Variants in SPAG16 observed in about 807,000 individuals in gnomAD.
The protein encoded by SPAG16 is sperm-associated antigen 16 protein.
Under a neutral mutation model 80.4 loss-of-function variants are expected in SPAG16, and 86 were observed. That is an observed-to-expected ratio of 1.07 (90% CI 0.90 to 1.28). The LOEUF is 1.28. Among genes scored for constraint, SPAG16 ranks in the 50% most tolerant of loss-of-function variants. The pLI, the probability that SPAG16 is intolerant of heterozygous loss-of-function variation, is 0.00. For missense variants in SPAG16, 870 were observed against 765.3 expected, an observed-to-expected ratio of 1.14 and a Z score of -1.61; for synonymous variants, 294 against 265.9, an observed-to-expected ratio of 1.11 and a Z score of -1.03.
chr2:214,182,560 A>G (rs1202402419), intron 15 of SPAG16, among the ~76,000 whole-genome samples: 1 of 151,966 alleles, frequency 6.6e-6, no homozygotes, highest in Non-Finnish European at 1.5e-5. Context: ...AAAGGACTGC[A>G]AATCTTTAAG....
At chr2:214,012,547 G>A (rs542234918) in intron 12 of SPAG16, among the ~76,000 whole-genome samples, 28 of 151,490 alleles carry the variant, frequency 1.8e-4, no homozygotes, top group Middle Eastern at 3.4e-3. Context: ...CTCCTGCCTC[G>A]GCCTCCCAAA....
chr2:213,757,152 T>G (rs2068386742), intron 10 of SPAG16, among the ~76,000 whole-genome samples: 2 of 152,086 alleles, frequency 1.3e-5, no homozygotes, highest in Non-Finnish European at 2.9e-5. Context: ...CATAGAAATA[T>G]AAACTTAACA....
chr2:213,994,314 G>A (rs1455117852), intron 12 of SPAG16, among the ~76,000 whole-genome samples: 1 of 151,994 alleles, frequency 6.6e-6, no homozygotes, highest in Non-Finnish European at 1.5e-5. Context: ...TTAATGAAAT[G>A]TTAAATGAAT....
chr2:214,119,915 T>G (rs901327058), intron 14 of SPAG16, among the ~76,000 whole-genome samples: 2 of 152,054 alleles, frequency 1.3e-5, no homozygotes, highest in Admixed American at 6.6e-5. Flanking sequence ...AATCTAATAG[T>G]TGATCCTTTG....
intron 10 of SPAG16, among the ~76,000 whole-genome samples, chr2:213,653,095 G>A (rs1016906277): frequency 3.9e-4 from 53 of 135,930 alleles, no homozygotes; most frequent in African/African-American, 1.4e-3. Context: ...AATGTTAGTG[G>A]CATCACTGGG....
chr2:213,656,245 C>A (rs911015884), intron 10 of SPAG16, among the ~76,000 whole-genome samples: 14 of 152,172 alleles, frequency 9.2e-5, no homozygotes, highest in Non-Finnish European at 1.5e-4. Flanking sequence ...GCCCAGGCGA[C>A]CTCGGCTCAC....
rs553271840 is a variant in SPAG16, at chr2:214,038,786, C to T, written c.1527+24709C>T. 4.1e-4 allele frequency among the ~76,000 whole-genome samples: 61 copies of T among 150,564 alleles called. No individual in the cohort carries two copies. The East Asian group carries it at 0.011, about 28-fold the overall frequency. On this transcript the variant is annotated intron_variant, in intron 13 of 15. Coordinates refer to ENST00000331683, the MANE Select transcript of SPAG16 (RefSeq NM_024532.5). ...CAATTCCCACCTATGAGTGAGAACA[C>T]GCAGTGTTTGGTTTTTTGTCCTTGT...
chr2:213,895,305 G>C (rs376587270), intron 11 of SPAG16, among the ~76,000 whole-genome samples: 1 of 152,026 alleles, frequency 6.6e-6, no homozygotes, highest in African/African-American at 2.4e-5. Context: ...TCATGCTCAC[G>C]GATTGGAAGA....
chr2:213,702,596 A>G (rs1489284306), intron 10 of SPAG16, among the ~76,000 whole-genome samples: 2 of 152,108 alleles, frequency 1.3e-5, no homozygotes, highest in South Asian at 4.1e-4. Context: ...ATAATATTTC[A>G]TCTTTGTATA....
At chr2:213,984,019 T>C (rs982325481) in intron 12 of SPAG16, among the ~76,000 whole-genome samples, 1 of 152,028 alleles carries the variant, frequency 6.6e-6, no homozygotes, top group African/African-American at 2.4e-5. Flanking sequence ...TTAATCTCAG[T>C]ATTGAGAGAT....
intron 10 of SPAG16, among the ~76,000 whole-genome samples, chr2:213,595,110 A>T (rs896183861): frequency 2.6e-5 from 4 of 151,998 alleles, no homozygotes; most frequent in Admixed American, 1.3e-4. Flanking sequence ...AGGAGAAAAA[A>T]ATAATATTCA....
At chr2:213,718,098 A>G (rs1469302984) in intron 10 of SPAG16, among the ~76,000 whole-genome samples, 2 of 144,684 alleles carry the variant, frequency 1.4e-5, no homozygotes, top group Admixed American at 1.5e-4. Context: ...CAACCTATCC[A>G]TCTGACAAAG....
intron 10 of SPAG16, among the ~76,000 whole-genome samples, chr2:213,704,704 G>A (rs1052170251): frequency 2.6e-5 from 4 of 151,982 alleles, no homozygotes; most frequent in Non-Finnish European, 4.4e-5. Context: ...CCTTTTTCAT[G>A]TTCTCACCTA....
At chr2:214,379,856 T>C (rs1229311190) in intron 15 of SPAG16, among the ~76,000 whole-genome samples, 1 of 152,228 alleles carries the variant, frequency 6.6e-6, no homozygotes, top group African/African-American at 2.4e-5. Context: ...ATTCTTCCTC[T>C]TCATTATCTT....
At chr2:214,316,900 C>T (rs1695736869) in intron 15 of SPAG16, among the ~76,000 whole-genome samples, 1 of 152,170 alleles carries the variant, frequency 6.6e-6, no homozygotes, top group Admixed American at 6.5e-5. Flanking sequence ...ACTAAATCAT[C>T]AATGGGCCTA....
intron 12 of SPAG16, among the ~76,000 whole-genome samples, chr2:213,956,274 T>A (rs573736790): frequency 4.0e-5 from 6 of 151,894 alleles, no homozygotes; most frequent in Non-Finnish European, 7.4e-5. Flanking sequence ...TTTTTTAAAT[T>A]GTTTTTCTAT....
chr2:213,612,787 G>A (rs564964036), intron 10 of SPAG16, among the ~76,000 whole-genome samples: 8 of 152,212 alleles, frequency 5.3e-5, no homozygotes, highest in African/African-American at 1.4e-4. Flanking sequence ...AGGTTCAAGC[G>A]ATTCTCCTGC....
At chr2:214,195,333 A>ATAGATAGATAGATAGATAGATAGG in intron 15 of SPAG16, among the ~76,000 whole-genome samples, 1 of 152,080 alleles carries the variant, frequency 6.6e-6, no homozygotes, top group South Asian at 2.1e-4. Flanking sequence ...AGATAGATAG[A>ATAGATAGATAGATAGATAGATAGG]TATTTGAGAG....
chr2:214,167,772 T>C (rs908571478), intron 15 of SPAG16, among the ~76,000 whole-genome samples: 12 of 151,550 alleles, frequency 7.9e-5, no homozygotes, highest in Middle Eastern at 3.4e-3. Flanking sequence ...ATATAATATA[T>C]ATTTGATAAT....
Sources: allele counts gnomAD v4.1 joint callset (sites outside exome capture counted in the v4.1 genomes callset), GRCh38; gene constraint gnomAD v4.1.1; transcripts MANE v1.5; gene names NCBI Gene and HGNC (gene_info 2026-07-23, HGNC 2026-07-21).